Variants in ZNF468 observed in about 807,000 individuals in gnomAD.
The protein encoded by ZNF468 is zinc finger protein 468.
Under a neutral mutation model 7.2 loss-of-function variants are expected in ZNF468, and 8 were observed. The ratio of observed to expected loss-of-function variants is 1.11; its 90% CI spans 0.65 to 2.01. The LOEUF (loss-of-function observed/expected upper bound fraction) is 2.01, where lower values mean the gene tolerates loss of function less well. Ranked by LOEUF, ZNF468 falls within the 30% of genes most tolerant of loss-of-function variation. The pLI is 0.00. For synonymous variants in ZNF468, 218 were observed against 214.4 expected (o/e 1.02, Z -0.15); for missense variants, 608 against 626.5 (o/e 0.97, Z 0.31).
chr19:52,855,527 G>A lies in ZNF468; in HGVS notation c.-73-1182C>T, dbSNP rs556087285. Among the ~76,000 whole-genome samples, 56 of 152,342 alleles carry A rather than the reference G, an allele frequency of 3.7e-4. No homozygotes were observed. The South Asian group carries it at 0.01, about 28-fold the overall frequency. ...GGCTGTGGAGCCAAAGTGAAGAGTC[G>A]GGCTTTTGTCCTGGGGAACACGGGA... On this transcript the variant is annotated intron_variant, in intron 1 of 3. Transcript: ENST00000595646.
In ZNF468 at chr19:52,854,167, C is replaced by A. The variant is rs1188886873; in HGVS notation, c.15+91G>T. On this transcript the variant is annotated intron_variant, in intron 2 of 3. Transcript: ENST00000595646. ...AGTGAGGGTGAGCAAACATGTCAGG[C>A]AGGTCATTCAGACCCAGACATTCCC... 8.1e-6 allele frequency: 13 copies of A among 1,606,370 alleles called. No individual in the cohort carries two copies. In the East Asian group the frequency reaches 2.7e-4, roughly 33 times the overall value.
chr19:52,856,459 C>A (rs2063439706), intron 1 of ZNF468, among the ~76,000 whole-genome samples: 1 of 128,076 alleles, frequency 7.8e-6, no homozygotes, highest in Non-Finnish European at 1.8e-5. Flanking sequence ...CCATAGATTT[C>A]TGCCTCTTCT....
At chr19:52,850,991 G>A (rs1274273342) in intron 2 of ZNF468, among the ~76,000 whole-genome samples, 10 of 151,866 alleles carry the variant, frequency 6.6e-5, no homozygotes, top group Non-Finnish European at 1.2e-4. Context: ...TAATTGGTGG[G>A]GCTGGGTATG....
chr19:52,839,861 AT>A lies in ZNF468; in HGVS notation c.*863del. On this transcript the variant is annotated 3_prime_UTR_variant, in exon 4 of 4. Coordinates refer to ENST00000595646, the MANE Select transcript of ZNF468 (RefSeq NM_001008801.2). ...GATGTCTGAAAAATTTGCCACATTT[AT>A]TACACTTGTAAGATCTCTTCACTGT... The A allele has an allele frequency of 1.4e-6, 1 of 698,164 alleles. No homozygotes were observed. The highest frequency in any genetic ancestry group is 1.5e-5 in the South Asian group (1 of 67,504). 43.2% of individuals were successfully genotyped at this position (698,164 alleles called of 1,614,324 possible).
intron 3 of ZNF468, 117 bp from the exon 4 acceptor site, chr19:52,842,268 T>C (rs1376548739): frequency 4.3e-6 from 4 of 939,186 alleles, no homozygotes; most frequent in Non-Finnish European, 6.1e-6. Flanking sequence ...AAACGTGAGC[T>C]TCAAAGTTTA....
intron 3 of ZNF468, among the ~76,000 whole-genome samples, chr19:52,847,427 A>G (rs75724618): frequency 0.48 from 68,044 of 142,104 alleles, 19,496 homozygotes; most frequent in African/African-American, 0.69. Context: ...ATATGGCCTC[A>G]TGGGAAAGGA....
intron 2 of ZNF468, chr19:52,849,735 C>CA (rs59094952): frequency 0.18 from 21,004 of 113,848 alleles, 2,244 homozygotes; most frequent in Admixed American, 0.3. Context: ...AACTCCATCT[C>CA]AAAAAAAAAA....
At chr19:52,852,798 TCACA>T (rs1388520845) in intron 2 of ZNF468, among the ~76,000 whole-genome samples, 4 of 152,188 alleles carry the variant, frequency 2.6e-5, no homozygotes, top group Admixed American at 2.6e-4. Flanking sequence ...TAACAAGCCT[TCACA>T]CATAGCCCCA....
At chr19:52,857,306 CA>C (rs1029740784) in intron 1 of ZNF468, among the ~76,000 whole-genome samples, 8 of 152,078 alleles carry the variant, frequency 5.3e-5, no homozygotes, top group African/African-American at 1.9e-4. Flanking sequence ...CGGAAGGAGT[CA>C]AAAAACGGTT....
At position 52,838,189 on chromosome 19, in the gene ZNF468, G is replaced by A. The variant is rs1473513412; in HGVS notation, c.*2536C>T. On this transcript the variant is annotated 3_prime_UTR_variant, in exon 4 of 4. Coordinates refer to ENST00000595646, the MANE Select transcript of ZNF468 (RefSeq NM_001008801.2). The stretch of plus-strand genomic sequence containing the variant: ...GTGCCACTTATTTCTGGGATGCAAG[G>A]ATGGTTCAACATAGTCAAGCAAATC... The A allele has an allele frequency of 1.3e-5, 2 of 152,142 alleles. No individual in the cohort carries two copies. The highest frequency in any genetic ancestry group is 2.4e-5 in the African/African-American group (1 of 41,416). 9.4% of individuals were successfully genotyped at this position (152,142 alleles called of 1,614,324 possible). A position where few individuals can be genotyped will look rare whatever the true frequency, so the allele number is the denominator to read the frequency against.
chr19:52,853,358 A>G (rs1414279883), intron 2 of ZNF468, among the ~76,000 whole-genome samples: 1 of 152,008 alleles, frequency 6.6e-6, no homozygotes, highest in Non-Finnish European at 1.5e-5. Context: ...AAATATATAT[A>G]TCATGTGATG....
intron 1 of ZNF468, among the ~76,000 whole-genome samples, chr19:52,855,083 C>T (rs2063425097): frequency 6.6e-6 from 1 of 151,440 alleles, no homozygotes; most frequent in Non-Finnish European, 1.5e-5. Context: ...GAGGCTGAGG[C>T]ACAAGAATTG....
intron 2 of ZNF468, chr19:52,853,857 T>C: frequency 1.6e-6 from 2 of 1,225,448 alleles, no homozygotes; most frequent in Non-Finnish European, 2.0e-6. Flanking sequence ...ATTGGTCTCC[T>C]TTTCTAGAAC....
At position 52,841,787 on chromosome 19, in the gene ZNF468, G is replaced by T. The variant is rs780852217; in HGVS notation, c.507C>A (p.Asn169Lys). The T allele has an allele frequency of 8.1e-6, 13 of 1,613,958 alleles. No homozygotes were observed. In the African/African-American group the frequency reaches 1.2e-4, roughly 15 times the overall value. Residue 169 changes from asparagine (N) to lysine (K), a missense_variant, in exon 4 of 4, where the codon AAC becomes AAA. Transcript: ENST00000595646. ...KIGNQVEKSI[N>K]NASSVSTSQR... ...GGGATGTTGAAACTGAGGAAGCATT[G>T]TTGATAGACTTCTCAACTTGATTAC...
chr19:52,851,941 T>G (rs1453039289), intron 2 of ZNF468, among the ~76,000 whole-genome samples: 1 of 152,156 alleles, frequency 6.6e-6, no homozygotes, highest in African/African-American at 2.4e-5. Context: ...TGTGTATGTA[T>G]GTATGTATAT....
intron 3 of ZNF468, among the ~76,000 whole-genome samples, chr19:52,843,640 T>C (rs1253392983): frequency 1.3e-5 from 2 of 152,034 alleles, no homozygotes; most frequent in Non-Finnish European, 2.9e-5. Context: ...TTGCAACCCA[T>C]GATAAAACAA....
intron 3 of ZNF468, among the ~76,000 whole-genome samples, chr19:52,844,571 C>T (rs1323565441): frequency 1.3e-5 from 2 of 152,116 alleles, no homozygotes; most frequent in Non-Finnish European, 2.9e-5. Context: ...CAGGGTCTCA[C>T]TCTGTTGCCA....
chr19:52,854,634 G>A (rs184625003), intron 1 of ZNF468, among the ~76,000 whole-genome samples: 3 of 152,208 alleles, frequency 2.0e-5, no homozygotes, highest in African/African-American at 7.2e-5. Flanking sequence ...TGTGTCTGTG[G>A]TCCCAGCTAC....
Position 52,842,144 on chromosome 19 carries a change from A to G in ZNF468, c.150T>C (p.Ser50=). Residue 50 remains serine (S), a synonymous_variant, in exon 4 of 4, where the codon TCT becomes TCC. Coordinates refer to ENST00000595646, the MANE Select transcript of ZNF468 (RefSeq NM_001008801.2). ...NYRNLVSLDI[S]SKCMLKTLSS... is the part of the protein sequence containing the mutation. Reference sequence around the variant, plus strand: ...ACAACGTCTTCAACATGCATTTGGAAGAGATATCTACAAAATTTAAACACC... The same window carrying G: ...ACAACGTCTTCAACATGCATTTGGAGGAGATATCTACAAAATTTAAACACC... 1 of 1,585,546 alleles carries G rather than the reference A, an allele frequency of 6.3e-7. No homozygotes were observed. Among genetic ancestry groups the G allele is most frequent in the Non-Finnish European group, 8.6e-7 (1 of 1,165,162 alleles).
Sources: allele counts gnomAD v4.1 joint callset (sites outside exome capture counted in the v4.1 genomes callset), GRCh38; gene constraint gnomAD v4.1.1; transcripts MANE v1.5; gene names NCBI Gene and HGNC (gene_info 2026-07-23, HGNC 2026-07-21).